The following WDPCP variants were observed in gnomAD, a reference collection of about 807,000 sequenced individuals.
WDPCP encodes WD repeat containing planar cell polarity effector.
WDPCP carries 71 observed loss-of-function variants against 93.1 expected under a neutral mutation model. The ratio of observed to expected loss-of-function variants is 0.76; its 90% CI spans 0.63 to 0.93. The LOEUF is 0.93. Among genes scored for constraint, WDPCP ranks in the 40% least tolerant of loss-of-function variants. The pLI, the probability that WDPCP is intolerant of heterozygous loss-of-function variation, is 0.00. For synonymous variants in WDPCP, 315 were observed against 315.0 expected (o/e 1.00, Z 0.00); for missense variants, 844 against 887.4 (o/e 0.95, Z 0.62).
intron 17 of WDPCP, among the ~76,000 whole-genome samples, chr2:63,127,752 C>T (rs990764118): frequency 1.3e-5 from 2 of 150,948 alleles, no homozygotes; most frequent in East Asian, 3.9e-4. Flanking sequence ...TATTACTCCC[C>T]TCTTTGGGTG....
At chr2:63,679,172 C>A (rs2103625058) in intron 2 of WDPCP, among the ~76,000 whole-genome samples, 1 of 152,296 alleles carries the variant, frequency 6.6e-6, no homozygotes, top group East Asian at 1.9e-4. Context: ...CCTACTCAAT[C>A]TTTTAATCAA....
chr2:63,753,157 C>T (rs185212358), intron 2 of WDPCP, among the ~76,000 whole-genome samples: 40 of 152,048 alleles, frequency 2.6e-4, no homozygotes, highest in South Asian at 6.2e-4. Context: ...AGGGGCTGGG[C>T]GCAGTGGCTC....
At chr2:63,147,090 C>T (rs531614404) in intron 17 of WDPCP, among the ~76,000 whole-genome samples, 4 of 152,284 alleles carry the variant, frequency 2.6e-5, no homozygotes, top group African/African-American at 9.6e-5. Context: ...TGAAGTAACT[C>T]AGACTCTTTG....
At chr2:63,181,610 T>C (rs1457138640) in intron 14 of WDPCP, among the ~76,000 whole-genome samples, 1 of 152,180 alleles carries the variant, frequency 6.6e-6, no homozygotes, top group East Asian at 1.9e-4. Flanking sequence ...ATAGTATAAT[T>C]TGAAGTCAGG....
At chr2:63,522,917 C>T (rs1048791073) in intron 1 of WDPCP, among the ~76,000 whole-genome samples, 1 of 152,072 alleles carries the variant, frequency 6.6e-6, no homozygotes, top group Non-Finnish European at 1.5e-5. Context: ...TCTGAAATTT[C>T]TCCAAAAACT....
intron 15 of WDPCP, among the ~76,000 whole-genome samples, chr2:63,170,841 T>A (rs897435459): frequency 3.9e-5 from 6 of 152,336 alleles, no homozygotes; most frequent in South Asian, 2.1e-4. Context: ...GTCTAGGCAC[T>A]TGTTAGCATA....
upstream of WDPCP, among the ~76,000 whole-genome samples, chr2:63,830,006 C>A (rs1487585213): frequency 1.3e-5 from 2 of 151,982 alleles, no homozygotes; most frequent in Non-Finnish European, 2.9e-5. Context: ...AATAATGACA[C>A]ATTTTAGTTC....
At chr2:63,593,502 C>G (rs768484474), upstream of WDPCP, 57 of 466,710 alleles carry the variant, frequency 1.2e-4, no homozygotes, top group Non-Finnish European at 2.5e-4. Context: ...TTGAAAGAAG[C>G]CTTCGAGGCT....
rs147137875 is a variant in WDPCP, at chr2:63,214,132, A to G, written c.1916-39300T>C. 0.01 allele frequency among the ~76,000 whole-genome samples: 1,594 copies of G among 152,344 alleles called. 17 individuals are homozygous for G. The Middle Eastern group carries it at 0.11, about 10-fold the overall frequency. ...CCCTAACTGATTTTGTGAGGCCAGCATCATCCTGATACCAAAGCCTGGCAG... is the reference window on the plus strand; with the variant it reads ...CCCTAACTGATTTTGTGAGGCCAGCGTCATCCTGATACCAAAGCCTGGCAG... On this transcript the variant is annotated intron_variant, in intron 14 of 17. Transcript: ENST00000272321.
chr2:63,350,524 T>A (rs1689523009), intron 12 of WDPCP, among the ~76,000 whole-genome samples: 1 of 151,772 alleles, frequency 6.6e-6, no homozygotes, highest in African/African-American at 2.4e-5. Flanking sequence ...TACACCCTCC[T>A]CTCTCTAACA....
At chr2:63,527,465 C>T (rs975077330) in intron 1 of WDPCP, among the ~76,000 whole-genome samples, 6 of 149,584 alleles carry the variant, frequency 4.0e-5, no homozygotes, top group Admixed American at 2.7e-4. Flanking sequence ...TGAGAACATG[C>T]AGTGTTTGGT....
intron 2 of WDPCP, among the ~76,000 whole-genome samples, chr2:63,735,725 G>A (rs1669629676): frequency 6.6e-6 from 1 of 152,140 alleles, no homozygotes. Context: ...CAGACTAGAG[G>A]CATGGAAGAA....
intron 2 of WDPCP, among the ~76,000 whole-genome samples, chr2:63,490,490 T>C (rs1298500800): frequency 6.6e-6 from 1 of 152,200 alleles, no homozygotes; most frequent in Non-Finnish European, 1.5e-5. Context: ...TTAACAGGGT[T>C]ACTAATTTAG....
At chr2:63,835,153 G>A in the WDPCP span, among the ~76,000 whole-genome samples, 5 of 151,644 alleles carry the variant, frequency 3.3e-5, no homozygotes, top group African/African-American at 4.8e-5. Context: ...TTGGGAGGCC[G>A]AGGTGGGCGG....
In WDPCP at chr2:63,604,510, C is replaced by A. The variant is rs144578947; in HGVS notation, n.488+46149G>T. ...GGTTTCAAGTCCACAGTTGTTACCA[C>A]TGTTAAGCTGTTGTAGGAAATTGCC... On this transcript the variant is annotated intron_variant and non_coding_transcript_variant, in intron 3 of 4. Transcript: ENST00000467687. Among the ~76,000 whole-genome samples, 356 of 152,324 alleles carry A rather than the reference C, an allele frequency of 2.3e-3. 1 individual carries two copies. Among genetic ancestry groups the A allele is most frequent in the Non-Finnish European group, 4.3e-3 (294 of 68,026 alleles).
rs546511643 is a variant in WDPCP, at chr2:63,752,713, T to C, written n.308+60909A>G. The C allele has an allele frequency of 1.5e-4, 46 of 303,756 alleles. 1 individual carries two copies. The South Asian group carries it at 2.4e-3, about 16-fold the overall frequency. The allele number at this position is 303,756 out of a possible 1,614,324, so 18.8% of individuals were successfully genotyped here. ...AAGTAAGTTAATGAATGTATCCTTA[T>C]GTTATATTCTTAATCCATTTTAGGA... On this transcript the variant is annotated intron_variant and non_coding_transcript_variant, in intron 2 of 4. Coordinates refer to the WDPCP transcript ENST00000467687.
At chr2:63,782,458 C>T (rs920046092) in intron 2 of WDPCP, among the ~76,000 whole-genome samples, 8 of 152,050 alleles carry the variant, frequency 5.3e-5, no homozygotes, top group Non-Finnish European at 1.0e-4. Flanking sequence ...AACTCAACAA[C>T]AACAGCAAAA....
At chr2:63,558,746 C>T (rs1404988636) in intron 1 of WDPCP, among the ~76,000 whole-genome samples, 1 of 152,050 alleles carries the variant, frequency 6.6e-6, no homozygotes, top group African/African-American at 2.4e-5. Context: ...AAGCTGAATC[C>T]CTAAACAGAC....
At chr2:63,169,444 C>CT (rs1673223262) in intron 15 of WDPCP, among the ~76,000 whole-genome samples, 1 of 152,214 alleles carries the variant, frequency 6.6e-6, no homozygotes, top group South Asian at 2.1e-4. Context: ...AAGTTCGATA[C>CT]TTTTTTCCTG....
Sources: allele counts gnomAD v4.1 joint callset (sites outside exome capture counted in the v4.1 genomes callset), GRCh38; gene constraint gnomAD v4.1.1; transcripts MANE v1.5; gene names NCBI Gene and HGNC (gene_info 2026-07-23, HGNC 2026-07-21).